Variants in SGCZ observed in about 807,000 individuals in gnomAD.
SGCZ encodes zeta-sarcoglycan.
A neutral mutation model predicts 41.3 loss-of-function variants in SGCZ; 40 were observed. That is an observed-to-expected ratio of 0.97 (90% CI 0.75 to 1.26). SGCZ has a LOEUF of 1.26. SGCZ is among the 50% of genes most tolerant of loss of function. SGCZ has a pLI of 0.00. For synonymous variants in SGCZ, 206 were observed against 137.5 expected (o/e 1.50, Z -3.49); for missense variants, 552 against 369.8 (o/e 1.49, Z -4.04).
At chr8:14,287,206 T>C (rs1270357385) in intron 3 of SGCZ, among the ~76,000 whole-genome samples, 4 of 151,242 alleles carry the variant, frequency 2.6e-5, no homozygotes, top group Non-Finnish European at 5.9e-5. Context: ...TCTTTAGTTA[T>C]ATATATATAA....
At chr8:14,655,895 A>G (rs186902250) in intron 1 of SGCZ, among the ~76,000 whole-genome samples, 5 of 152,154 alleles carry the variant, frequency 3.3e-5, no homozygotes, top group Admixed American at 1.3e-4. Context: ...TTTTTTACTC[A>G]GCATAATTTT....
intron 3 of SGCZ, chr8:14,309,604 C>A: frequency 6.2e-7 from 1 of 1,610,422 alleles, no homozygotes; most frequent in Non-Finnish European, 8.5e-7. Context: ...AAGATAGTGA[C>A]TGGTTATCAG....
intron 1 of SGCZ, among the ~76,000 whole-genome samples, chr8:14,954,819 A>G (rs1800745056): frequency 6.6e-6 from 1 of 152,198 alleles, no homozygotes; most frequent in Non-Finnish European, 1.5e-5. Context: ...ACCCATTCTT[A>G]TTCCTGACCA....
rs190248174 is a variant in SGCZ, at chr8:14,245,612, A to C, written c.337-7933T>G. On this transcript the variant is annotated intron_variant, in intron 3 of 7. Coordinates refer to ENST00000382080, the MANE Select transcript of SGCZ (RefSeq NM_139167.4). ...TGACAAATGGGATCTAATTAAACTA[A>C]AGAGCTTCTGCACAGCAAAAGAAAC... Among the ~76,000 whole-genome samples the C allele has an allele frequency of 6.2e-3, 940 of 152,254 alleles. 8 individuals are homozygous for C. Among genetic ancestry groups the C allele is most frequent in the African/African-American group, 0.022 (900 of 41,574 alleles).
intron 1 of SGCZ, among the ~76,000 whole-genome samples, chr8:15,206,247 G>A (rs1801058641): frequency 6.6e-6 from 1 of 152,082 alleles, no homozygotes; most frequent in South Asian, 2.1e-4. Context: ...GGTAGTCAGG[G>A]AAGGCTTTGC....
At chr8:14,815,675 T>G (rs1480374361) in intron 1 of SGCZ, among the ~76,000 whole-genome samples, 10 of 152,184 alleles carry the variant, frequency 6.6e-5, no homozygotes, top group African/African-American at 2.4e-4. Flanking sequence ...AAGGTAGCAG[T>G]GTGAACAACT....
chr8:15,182,279 T>C (rs1207634607), intron 1 of SGCZ, among the ~76,000 whole-genome samples: 1 of 152,160 alleles, frequency 6.6e-6, no homozygotes, highest in Non-Finnish European at 1.5e-5. Flanking sequence ...AAAATATAGA[T>C]TAGCATTATA....
chr8:14,715,371 A>T (rs1563220693), intron 1 of SGCZ, among the ~76,000 whole-genome samples: 1 of 152,146 alleles, frequency 6.6e-6, no homozygotes, highest in South Asian at 2.1e-4. Flanking sequence ...CCTACAGGCC[A>T]TAAAGAACAA....
chr8:15,136,107 T>A (rs960805969), intron 1 of SGCZ, among the ~76,000 whole-genome samples: 1 of 152,010 alleles, frequency 6.6e-6, no homozygotes, highest in Non-Finnish European at 1.5e-5. Context: ...GCTCCTTCTG[T>A]CCCATCCCTG....
At chr8:14,306,022 C>G (rs561418042) in intron 3 of SGCZ, among the ~76,000 whole-genome samples, 4 of 152,228 alleles carry the variant, frequency 2.6e-5, no homozygotes, top group East Asian at 1.9e-4. Flanking sequence ...AGCCCCAGGT[C>G]ACTTTGTGTA....
At chr8:14,654,049 T>C (rs1357404641) in intron 1 of SGCZ, among the ~76,000 whole-genome samples, 1 of 152,070 alleles carries the variant, frequency 6.6e-6, no homozygotes, top group Non-Finnish European at 1.5e-5. Context: ...CATATTATAT[T>C]CGCAAAAGTT....
intron 1 of SGCZ, among the ~76,000 whole-genome samples, chr8:15,090,129 G>C (rs1806102440): frequency 6.6e-6 from 1 of 152,110 alleles, no homozygotes; most frequent in Non-Finnish European, 1.5e-5. Context: ...TTGTTTCTTA[G>C]AGAAAAATTC....
intron 1 of SGCZ, among the ~76,000 whole-genome samples, chr8:14,997,175 C>T (rs528633679): frequency 1.2e-4 from 19 of 152,090 alleles, no homozygotes; most frequent in Non-Finnish European, 2.1e-4. Flanking sequence ...ATATCTGTCC[C>T]GTATCTAATT....
intron 2 of SGCZ, among the ~76,000 whole-genome samples, chr8:14,500,952 G>A (rs1440782609): frequency 2.7e-5 from 4 of 150,570 alleles, no homozygotes; most frequent in African/African-American, 7.3e-5. Context: ...TATCATTGCT[G>A]GTGTAAAAAA....
At chr8:14,246,452 G>T (rs906834120) in intron 3 of SGCZ, among the ~76,000 whole-genome samples, 5 of 151,872 alleles carry the variant, frequency 3.3e-5, no homozygotes, top group East Asian at 1.9e-4. Flanking sequence ...GTTGTGGGGT[G>T]GGGGGAGCGG....
chr8:14,336,032 C>T (rs1338685046), intron 2 of SGCZ, among the ~76,000 whole-genome samples: 1 of 151,948 alleles, frequency 6.6e-6, no homozygotes, highest in Non-Finnish European at 1.5e-5. Flanking sequence ...ATCCTAGTTC[C>T]CAGTAGTTAT....
chr8:14,481,161 A>AAAATATG (rs144841184), intron 2 of SGCZ, among the ~76,000 whole-genome samples: 7,546 of 152,244 alleles, frequency 0.05, 292 homozygotes, highest in African/African-American at 0.11. Context: ...CACATTATAC[A>AAAATATG]AAATATGAAA....
intron 1 of SGCZ, among the ~76,000 whole-genome samples, chr8:14,711,775 C>T (rs949817298): frequency 2.0e-5 from 3 of 152,226 alleles, no homozygotes; most frequent in African/African-American, 4.8e-5. Flanking sequence ...TAACACTAAT[C>T]GCCTTTATCT....
At position 15,064,534 on chromosome 8, in the gene SGCZ, CA is replaced by C. The variant is rs199980199; in HGVS notation, c.39+173050del. The stretch of plus-strand genomic sequence containing the variant: ...CTCAAGAACAAACCTCCAGGCCTCT[CA>C]AAAAAAAAAAAAAAAAAAAAAAAAA... On this transcript the variant is annotated intron_variant, in intron 1 of 7. Transcript: ENST00000382080. Among the ~76,000 whole-genome samples, 689 of 131,716 alleles carry C rather than the reference CA, an allele frequency of 5.2e-3. 1 individual carries two copies. The highest frequency in any genetic ancestry group is 0.018 in the African/African-American group (541 of 29,810). The allele number at this position is 131,716 out of a possible 152,430, so 86.4% of individuals were successfully genotyped here.
Sources: allele counts gnomAD v4.1 joint callset (sites outside exome capture counted in the v4.1 genomes callset), GRCh38; gene constraint gnomAD v4.1.1; transcripts MANE v1.5; gene names NCBI Gene and HGNC (gene_info 2026-07-23, HGNC 2026-07-21).